TRPM3: variants seen among roughly 807,000 people sequenced by gnomAD.
TRPM3 encodes transient receptor potential cation channel subfamily M member 3, also known as long transient receptor potential channel 3.
In TRPM3, 77 loss-of-function variants were observed where a neutral mutation model predicts 181.2. That is an observed-to-expected ratio of 0.42 (90% CI 0.35 to 0.51). The LOEUF is 0.51. Ranked by LOEUF, TRPM3 falls within the 20% of genes least tolerant of loss-of-function variation. The pLI, the probability that TRPM3 is intolerant of heterozygous loss-of-function variation, is 0.01. For missense variants in TRPM3, 1,759 were observed against 2,196.7 expected (o/e 0.80, Z 3.98); for synonymous variants, 745 against 796.4 (o/e 0.94, Z 1.09).
At chr9:70,683,120 C>T (rs4310271) in intron 8 of TRPM3, among the ~76,000 whole-genome samples, 132,505 of 152,208 alleles carry the variant, frequency 0.87, 57,851 homozygotes, top group Non-Finnish European at 0.91. Context: ...TAAGATAATA[C>T]GAACACTTGA....
intron 22 of TRPM3, among the ~76,000 whole-genome samples, chr9:70,585,774 T>C (rs1328145504): frequency 6.6e-6 from 1 of 152,082 alleles, no homozygotes; most frequent in Non-Finnish European, 1.5e-5. Context: ...CTCTCACCTC[T>C]CACTTCCCAC....
intron 24 of TRPM3, among the ~76,000 whole-genome samples, chr9:70,549,975 C>T (rs533114746): frequency 6.6e-6 from 1 of 152,264 alleles, no homozygotes; most frequent in South Asian, 2.1e-4. Flanking sequence ...GAAAGGGAAG[C>T]TATTCAGAGC....
chr9:71,121,555 T>G lies in TRPM3; in HGVS notation c.-201A>C. 1 of 1,380,112 alleles carries G rather than the reference T, an allele frequency of 7.2e-7. No homozygotes were observed. The highest frequency in any genetic ancestry group is 9.3e-7 in the Non-Finnish European group (1 of 1,069,698). 85.5% of individuals were successfully genotyped at this position (1,380,112 alleles called of 1,614,324 possible). On this transcript the variant is annotated 5_prime_UTR_variant, in exon 1 of 26. Coordinates refer to ENST00000677713, the MANE Select transcript of TRPM3 (RefSeq NM_001366145.2). ...CTGCTTCGGGGAGGGGATGCACGAT[T>G]TTGAAGAAGAGGGACAGCCTGCACA...
chr9:71,093,614 T>C (rs912359727), intron 1 of TRPM3, among the ~76,000 whole-genome samples: 1 of 152,140 alleles, frequency 6.6e-6, no homozygotes, highest in African/African-American at 2.4e-5. Context: ...TGTGGAGAAA[T>C]AGGAACGCTT....
At chr9:70,832,725 C>T (rs1353750463) in intron 5 of TRPM3, among the ~76,000 whole-genome samples, 1 of 152,144 alleles carries the variant, frequency 6.6e-6, no homozygotes, top group African/African-American at 2.4e-5. Flanking sequence ...ATCAGTGATT[C>T]AGAAGCTAAT....
At chr9:71,398,376 C>T (rs983265995) in intron 1 of TRPM3, among the ~76,000 whole-genome samples, 17 of 152,092 alleles carry the variant, frequency 1.1e-4, no homozygotes, top group Admixed American at 1.1e-3. Context: ...GCTGTGTGTA[C>T]TTTGAATCTA....
At chr9:71,276,311 T>C (rs1251462031) in intron 1 of TRPM3, among the ~76,000 whole-genome samples, 2 of 149,936 alleles carry the variant, frequency 1.3e-5, no homozygotes, top group Non-Finnish European at 3.0e-5. Flanking sequence ...ATGTTGGGGG[T>C]AAAAGAATTA....
chr9:70,776,914 G>A (rs923117021), intron 7 of TRPM3, among the ~76,000 whole-genome samples: 1 of 152,146 alleles, frequency 6.6e-6, no homozygotes, highest in Admixed American at 6.6e-5. Context: ...ATACAGTTTC[G>A]TGGGCCCCAC....
At chr9:71,339,044 T>TA (rs2090772296) in intron 1 of TRPM3, among the ~76,000 whole-genome samples, 2 of 151,950 alleles carry the variant, frequency 1.3e-5, no homozygotes, top group Admixed American at 1.3e-4. Flanking sequence ...CTTAGGATGC[T>TA]AAAAAAGAAT....
intron 1 of TRPM3, among the ~76,000 whole-genome samples, chr9:71,236,333 G>T (rs546255901): frequency 4.6e-5 from 7 of 152,196 alleles, no homozygotes; most frequent in African/African-American, 1.7e-4. Flanking sequence ...ACTCTATACT[G>T]TTTCTTTTAA....
chr9:71,075,467 A>T (rs892257570), intron 1 of TRPM3, among the ~76,000 whole-genome samples: 3 of 152,306 alleles, frequency 2.0e-5, no homozygotes, highest in African/African-American at 7.2e-5. Flanking sequence ...ACATATCTTT[A>T]CTTCTCTATG....
intron 1 of TRPM3, among the ~76,000 whole-genome samples, chr9:71,076,151 G>A (rs979238617): frequency 6.6e-6 from 1 of 152,174 alleles, no homozygotes; most frequent in Non-Finnish European, 1.5e-5. Flanking sequence ...TGCTCACACA[G>A]GCTCAGGAGA....
intron 1 of TRPM3, among the ~76,000 whole-genome samples, chr9:70,954,137 G>A (rs2097037833): frequency 6.6e-6 from 1 of 152,184 alleles, no homozygotes; most frequent in South Asian, 2.1e-4. Flanking sequence ...CCAAAGAGAA[G>A]GAGGGAGAAT....
At chr9:71,242,054 G>A (rs1238136910) in intron 1 of TRPM3, among the ~76,000 whole-genome samples, 2 of 152,216 alleles carry the variant, frequency 1.3e-5, no homozygotes, top group Non-Finnish European at 2.9e-5. Context: ...TTGCATAAGT[G>A]TTAACTTGGG....
intron 1 of TRPM3, among the ~76,000 whole-genome samples, chr9:70,866,961 A>G (rs534371998): frequency 1.6e-4 from 24 of 152,026 alleles, no homozygotes; most frequent in Non-Finnish European, 3.1e-4. Flanking sequence ...ACTCTGCTAA[A>G]TTGCCATTAA....
chr9:70,781,861 A>G (rs1042637331), intron 7 of TRPM3, among the ~76,000 whole-genome samples: 3 of 152,188 alleles, frequency 2.0e-5, no homozygotes, highest in African/African-American at 7.2e-5. Context: ...TAAATATTTT[A>G]ACATTTTCAA....
chr9:70,837,230 A>T (rs1315410969), intron 5 of TRPM3, among the ~76,000 whole-genome samples: 4 of 152,218 alleles, frequency 2.6e-5, no homozygotes, highest in African/African-American at 9.6e-5. Flanking sequence ...AATAAGTAAC[A>T]AATGTACTGA....
intron 1 of TRPM3, among the ~76,000 whole-genome samples, chr9:71,319,366 C>A (rs990845931): frequency 6.6e-6 from 1 of 152,110 alleles, no homozygotes; most frequent in Admixed American, 6.6e-5. Flanking sequence ...GGACTGAGAA[C>A]CAGTGAAGCC....
At chr9:71,299,692 A>G (rs1205505904) in intron 1 of TRPM3, among the ~76,000 whole-genome samples, 1 of 152,168 alleles carries the variant, frequency 6.6e-6, no homozygotes, top group Non-Finnish European at 1.5e-5. Context: ...AGAACTTTCC[A>G]TGTAAAAGTT....
Sources: gnomAD v4.1 joint callset for allele counts (sites outside exome capture counted in the v4.1 genomes callset) on GRCh38, gnomAD v4.1.1 for gene constraint, MANE v1.5 for transcripts, NCBI Gene and HGNC (gene_info 2026-07-23, HGNC 2026-07-21) for gene names.